Variants in ZNF469 observed in about 807,000 individuals in gnomAD.
The protein encoded by ZNF469 is zinc finger protein 469.
Under a neutral mutation model 1.0 loss-of-function variants are expected in ZNF469, and 1 was observed. The ratio of observed to expected loss-of-function variants is 1.00; its 90% CI spans 0.35 to 4.73. The LOEUF is 4.73. Ranked by LOEUF, ZNF469 falls within the 30% of genes most tolerant of loss-of-function variation. The probability of loss-of-function intolerance (pLI) is 0.16; values close to 1 mark genes in which losing one functional copy is unlikely to be tolerated. For synonymous variants in ZNF469, 2,703 were observed against 2,363.4 expected (o/e 1.14, Z -4.17); for missense variants, 6,100 against 5,356.3 (o/e 1.14, Z -4.33).
the ZNF469 span, among the ~76,000 whole-genome samples, chr16:88,132,003 C>T: frequency 0.011 from 1,640 of 152,324 alleles, 27 homozygotes; most frequent in African/African-American, 0.038. Context: ...CGATGCTCCG[C>T]CCGTGGGAAG....
At chr16:88,322,615 G>A in the ZNF469 span, among the ~76,000 whole-genome samples, 1 of 152,226 alleles carries the variant, frequency 6.6e-6, no homozygotes, top group African/African-American at 2.4e-5. Flanking sequence ...AGAGCAGGCG[G>A]CACCACCACT....
At chr16:88,116,625 C>T in the ZNF469 span, among the ~76,000 whole-genome samples, 1 of 152,214 alleles carries the variant, frequency 6.6e-6, no homozygotes, top group Non-Finnish European at 1.5e-5. Context: ...ATGGCCACAC[C>T]ACGGAACGCT....
the ZNF469 span, among the ~76,000 whole-genome samples, chr16:88,366,174 GATC>G: frequency 1.0e-4 from 9 of 86,994 alleles, no homozygotes; most frequent in East Asian, 1.8e-3. Flanking sequence ...TCATCACCAC[GATC>G]ATCATCACTA....
chr16:88,184,598 T>C, the ZNF469 span, among the ~76,000 whole-genome samples: 2 of 151,714 alleles, frequency 1.3e-5, no homozygotes, highest in African/African-American at 4.8e-5. Context: ...CCCGTTCCCG[T>C]TTCAGGGGGG....
the ZNF469 span, among the ~76,000 whole-genome samples, chr16:88,204,026 T>C: frequency 5.6e-5 from 8 of 142,900 alleles, no homozygotes; most frequent in African/African-American, 2.2e-4. Flanking sequence ...CATAACCCCA[T>C]AGAGCAATGG....
the ZNF469 span, among the ~76,000 whole-genome samples, chr16:88,147,502 G>A: frequency 1.1e-4 from 17 of 152,226 alleles, no homozygotes; most frequent in African/African-American, 4.1e-4. Flanking sequence ...CCCCAGGGGT[G>A]TGGGTGGGAG....
chr16:88,183,128 C>A, the ZNF469 span, among the ~76,000 whole-genome samples: 1 of 152,224 alleles, frequency 6.6e-6, no homozygotes, highest in Non-Finnish European at 1.5e-5. Flanking sequence ...CATCACTAGT[C>A]ATGAGGGAAA....
chr16:88,320,125 A>G, the ZNF469 span, among the ~76,000 whole-genome samples: 2 of 152,254 alleles, frequency 1.3e-5, no homozygotes, highest in Non-Finnish European at 2.9e-5. Flanking sequence ...TTTACAGAGC[A>G]CGGGGGAAGC....
At chr16:88,379,192 C>T (rs993160970), upstream of ZNF469, among the ~76,000 whole-genome samples, 2 of 152,178 alleles carry the variant, frequency 1.3e-5, no homozygotes, top group African/African-American at 4.8e-5. Context: ...CCTCGCCCCC[C>T]GAGGTTGATC....
upstream of ZNF469, among the ~76,000 whole-genome samples, chr16:88,380,252 C>G (rs1463868097): frequency 2.6e-5 from 4 of 151,032 alleles, no homozygotes; most frequent in Non-Finnish European, 5.9e-5. Flanking sequence ...CACAAATGCA[C>G]TCACACACGT....
At chr16:88,385,143 C>T (rs1462809281) in intron 1 of ZNF469, among the ~76,000 whole-genome samples, 6 of 152,208 alleles carry the variant, frequency 3.9e-5, no homozygotes, top group African/African-American at 1.2e-4. Context: ...CAGTGGGTTT[C>T]TGCCCTTTCC....
At chr16:88,148,682 T>G in the ZNF469 span, among the ~76,000 whole-genome samples, 39 of 152,274 alleles carry the variant, frequency 2.6e-4, no homozygotes, top group East Asian at 2.3e-3. Flanking sequence ...CTCCTCCCTC[T>G]GGGCTTGGCA....
At chr16:88,102,064 C>A in the ZNF469 span, among the ~76,000 whole-genome samples, 2 of 139,014 alleles carry the variant, frequency 1.4e-5, no homozygotes, top group African/African-American at 5.2e-5. Flanking sequence ...CCCCCCCACC[C>A]CCGCCCCCCG....
the ZNF469 span, among the ~76,000 whole-genome samples, chr16:88,269,776 C>G: frequency 1.3e-5 from 2 of 152,186 alleles, no homozygotes; most frequent in African/African-American, 4.8e-5. Context: ...AGTTGTTACT[C>G]TATTCCATGA....
rs1409675573 is a variant in ZNF469 at position 88,434,944 on chromosome 16, G to A, written c.7474G>A (p.Ala2492Thr). 2 of 1,549,908 alleles carry A rather than the reference G, an allele frequency of 1.3e-6. No homozygotes were observed. Among genetic ancestry groups the A allele is most frequent in the East Asian group, 4.9e-5 (2 of 40,934 alleles). ...CGGGCCGGGCCTGAGCCGGCACAAG[G>A]CCAGGAAGCACCGGCCACACCCGGG... ...RSGPGLSRHK[A>T]RKHRPHPGAP... Residue 2492 changes from alanine to threonine, a missense_variant, in exon 3 of 3, where the codon GCC (alanine) becomes ACC (threonine). By Grantham distance (58) the Ala-to-Thr change is moderately conservative. Coordinates refer to ENST00000565624, the MANE Select transcript of ZNF469 (RefSeq NM_001367624.2).
At chr16:88,369,774 G>T in the ZNF469 span, among the ~76,000 whole-genome samples, 1 of 152,166 alleles carries the variant, frequency 6.6e-6, no homozygotes, top group African/African-American at 2.4e-5. Context: ...GGTGAGGTGG[G>T]GCCCGCCCTG....
the ZNF469 span, among the ~76,000 whole-genome samples, chr16:88,305,493 GGCACACACGCACACCCTCACACACAT>G: frequency 9.6e-6 from 1 of 103,706 alleles, no homozygotes; most frequent in Non-Finnish European, 1.9e-5. Context: ...CATGGTCACA[GGCACACACGCACACCCTCACACACAT>G]GCACACACAC....
Position 88,432,540 on chromosome 16 carries a change from C to T in ZNF469, c.5070C>T (p.Ala1690=). 2 of 1,550,402 alleles carry T rather than the reference C, an allele frequency of 1.3e-6. No homozygotes were observed. Among genetic ancestry groups the T allele is most frequent in the Non-Finnish European group, 1.7e-6 (2 of 1,146,980 alleles). ...GGGCTCCTTTCAGCCCCAGGGGAGCCAACTTCCATTTTCAGCCAGTGCAGA... is the reference window on the plus strand; with the variant it reads ...GGGCTCCTTTCAGCCCCAGGGGAGCTAACTTCCATTTTCAGCCAGTGCAGA... ...VSGAPFSPRG[A]NFHFQPVQKA... Residue 1690 remains alanine, a synonymous_variant, in exon 3 of 3, where the codon GCC becomes GCT. Coordinates refer to ENST00000565624, the MANE Select transcript of ZNF469 (RefSeq NM_001367624.2).
the ZNF469 span, among the ~76,000 whole-genome samples, chr16:88,254,987 C>A: frequency 3.9e-5 from 6 of 152,194 alleles, no homozygotes. Flanking sequence ...TTTAATTTCT[C>A]TCAATAATCT....
Sources: allele counts gnomAD v4.1 joint callset (sites outside exome capture counted in the v4.1 genomes callset), GRCh38; gene constraint gnomAD v4.1.1; transcripts MANE v1.5; gene names NCBI Gene and HGNC (gene_info 2026-07-23, HGNC 2026-07-21).